SOS2: variants seen among roughly 807,000 people sequenced by gnomAD.
SOS2 encodes SOS Ras/Rho guanine nucleotide exchange factor 2, also known as son of sevenless homolog 2.
In SOS2, 65 loss-of-function variants were observed where a neutral mutation model predicts 148.2. That is an observed-to-expected ratio of 0.44 (90% CI 0.36 to 0.54). The LOEUF (loss-of-function observed/expected upper bound fraction) is 0.54, where lower values mean the gene tolerates loss of function less well. SOS2 is among the 20% of genes least tolerant of loss of function. The pLI, the probability that SOS2 is intolerant of heterozygous loss-of-function variation, is 0.00. For synonymous variants in SOS2, 539 were observed against 537.1 expected (o/e 1.00, Z -0.05); for missense variants, 1,341 against 1,590.2 (o/e 0.84, Z 2.67).
intron 21 of SOS2, among the ~76,000 whole-genome samples, chr14:50,124,854 C>A (rs994554694): frequency 2.0e-5 from 3 of 152,016 alleles, no homozygotes; most frequent in Non-Finnish European, 4.4e-5. Context: ...ATTTTATTTT[C>A]TTTGGGGATT....
At chr14:50,129,173 T>C (rs1185906977) in intron 21 of SOS2, among the ~76,000 whole-genome samples, 1 of 152,180 alleles carries the variant, frequency 6.6e-6, no homozygotes, top group Non-Finnish European at 1.5e-5. Flanking sequence ...GATAGAATAG[T>C]GCTTTACTTA....
intron 14 of SOS2, among the ~76,000 whole-genome samples, chr14:50,149,630 T>TAAATGAGA (rs1426269633): frequency 3.9e-5 from 6 of 152,190 alleles, no homozygotes; most frequent in African/African-American, 1.4e-4. Context: ...GCCTGAGCTG[T>TAAATGAGA]AAATGAGAAA....
At chr14:50,141,952 AAG>A in intron 16 of SOS2, among the ~76,000 whole-genome samples, 1 of 152,112 alleles carries the variant, frequency 6.6e-6, no homozygotes, top group Non-Finnish European at 1.5e-5. Context: ...AGACCAACAA[AAG>A]GCCTACAGAT....
In SOS2 at chr14:50,182,613, AAAGAG is replaced by A; in HGVS notation, c.715-12_715-8del. 5.6e-6 allele frequency: 9 copies of A among 1,594,154 alleles called. No homozygotes were observed. Among genetic ancestry groups the A allele is most frequent in the Non-Finnish European group, 7.7e-6 (9 of 1,165,504 alleles). ...TAAAAATCTTTTCGATATCCTGAAA[AAAGAG>A]AAGGAAGGTTAAGAAATGTGAGATT... is the stretch of plus-strand genomic sequence containing the variant. On this transcript the variant is annotated splice_region_variant and splice_polypyrimidine_tract_variant and intron_variant, in intron 5 of 22. Transcript: ENST00000216373.
intron 13 of SOS2, 130 bp downstream of exon 13, chr14:50,152,940 G>T: frequency 1.9e-6 from 1 of 514,148 alleles, no homozygotes; most frequent in Non-Finnish European, 3.5e-6. Flanking sequence ...ACTCCAGCCT[G>T]GACAACAAAG....
At position 50,164,837 on chromosome 14, in the gene SOS2, T is replaced by C. The variant is rs181437163; in HGVS notation, c.1069-3228A>G. Among the ~76,000 whole-genome samples the C allele has an allele frequency of 1.1e-3, 168 of 152,312 alleles. 1 individual carries two copies. Among genetic ancestry groups the C allele is most frequent in the Non-Finnish European group, 2.1e-3 (142 of 68,036 alleles). On this transcript the variant is annotated intron_variant, in intron 8 of 22. Coordinates refer to ENST00000216373, the MANE Select transcript of SOS2 (RefSeq NM_006939.4). ...TTATGCCTTTTCCCTCTTAAATTTT[T>C]TCTTTTGAAATATCAAATTTATAGA...
At chr14:50,122,390 G>GCTTTTTTTTTTTTTT (rs1883541925) in intron 21 of SOS2, among the ~76,000 whole-genome samples, 2 of 60,556 alleles carry the variant, frequency 3.3e-5, no homozygotes, top group African/African-American at 1.6e-4. Context: ...AGAACCCTGG[G>GCTTTTTTTTTTTTTT]CTTTTTTTTT....
Position 50,188,615 on chromosome 14 carries a change from T to C in SOS2, c.596A>G (p.Tyr199Cys), listed in dbSNP as rs759671658. ...GATTTCAGTTCTGACAAGATCATAGTAGTTTAATTCACCAGAAGAACTAGG... is the reference window on the plus strand; with the variant it reads ...GATTTCAGTTCTGACAAGATCATAGCAGTTTAATTCACCAGAAGAACTAGG... ...DEPSSSGELN[Y>C]YDLVRTEIAE... is the part of the protein sequence containing the mutation. The change falls in exon 5 of 23, where the codon TAC becomes TGC. Residue 199 changes from tyrosine (Y) to cysteine (C), a missense_variant. By Grantham distance (194) the Tyr-to-Cys change is radical (BLOSUM62 -2). Coordinates refer to ENST00000216373, the MANE Select transcript of SOS2 (RefSeq NM_006939.4). 3 of 1,609,818 alleles carry C rather than the reference T, an allele frequency of 1.9e-6. No individual in the cohort carries two copies. The highest frequency in any genetic ancestry group is 2.2e-5 in the East Asian group (1 of 44,826).
intron 7 of SOS2, among the ~76,000 whole-genome samples, chr14:50,175,149 G>A (rs887020766): frequency 1.3e-5 from 2 of 152,186 alleles, no homozygotes; most frequent in Non-Finnish European, 2.9e-5. Flanking sequence ...AGAAGCCTCT[G>A]GAGGAAACTA....
At chr14:50,199,147 T>C (rs1261436046) in intron 4 of SOS2, among the ~76,000 whole-genome samples, 11 of 152,160 alleles carry the variant, frequency 7.2e-5, no homozygotes, top group African/African-American at 2.4e-4. Flanking sequence ...AGTGAGACCT[T>C]GTCTCAAATA....
At chr14:50,159,104 G>A (rs575918128) in intron 10 of SOS2, among the ~76,000 whole-genome samples, 7 of 152,046 alleles carry the variant, frequency 4.6e-5, no homozygotes, top group Non-Finnish European at 8.8e-5. Context: ...GCAGGAGAAT[G>A]GCGTGAACCC....
chr14:50,196,854 A>G (rs554124435), intron 4 of SOS2, among the ~76,000 whole-genome samples: 80 of 152,166 alleles, frequency 5.3e-4, no homozygotes, highest in African/African-American at 1.9e-3. Flanking sequence ...CCTAATAACC[A>G]AATCTGGAAC....
rs533947166 is a variant in SOS2 at position 50,184,164 on chromosome 14, A to G, written c.715-1558T>C. On this transcript the variant is annotated intron_variant, in intron 5 of 22. Transcript: ENST00000216373. ...TAGTCTTATCACTGACTAAAACATC[A>G]TATGTGGCAGATAGCCATATATCTA... 3.9e-5 allele frequency among the ~76,000 whole-genome samples: 6 copies of G among 152,318 alleles called. No homozygotes were observed. The East Asian group carries it at 9.6e-4, about 24-fold the overall frequency.
rs115795899 is a variant in SOS2 at position 50,137,760 on chromosome 14, C to T, written c.2958+852G>A. On this transcript the variant is annotated intron_variant, in intron 18 of 22. Transcript: ENST00000216373. ...GGCATGTAATGTAGAATAATCCCAT[C>T]ATGGAGAGTGGGGTATCCATTCCCT... 7.1e-3 allele frequency among the ~76,000 whole-genome samples: 1,074 copies of T among 152,232 alleles called. 15 individuals carry two copies. The highest frequency in any genetic ancestry group is 0.024 in the African/African-American group (1,014 of 41,530).
chr14:50,122,191 T>C (rs1233020664), intron 21 of SOS2, among the ~76,000 whole-genome samples: 1 of 152,140 alleles, frequency 6.6e-6, no homozygotes, highest in Non-Finnish European at 1.5e-5. Flanking sequence ...TGGGGGCTAA[T>C]GGAAAGGAAG....
intron 7 of SOS2, among the ~76,000 whole-genome samples, chr14:50,178,107 T>C (rs1039599892): frequency 6.6e-6 from 1 of 152,226 alleles, no homozygotes; most frequent in Non-Finnish European, 1.5e-5. Flanking sequence ...GAACATGTAG[T>C]ATCACAGGAG....
chr14:50,177,227 G>A (rs1885552328), intron 7 of SOS2, among the ~76,000 whole-genome samples: 1 of 152,106 alleles, frequency 6.6e-6, no homozygotes, highest in Non-Finnish European at 1.5e-5. Flanking sequence ...GGCTAAGGCA[G>A]GAGAATCGCT....
chr14:50,120,440 T>A, intron 21 of SOS2, 56 bp from the exon 22 acceptor site: 1 of 827,132 alleles, frequency 1.2e-6, no homozygotes, highest in East Asian at 2.6e-5. Context: ...TAAACCTTTA[T>A]CACAATTTGT....
At chr14:50,130,912 T>C (rs771851304) in intron 19 of SOS2, 150 bp from the exon 20 acceptor site, 2 of 595,724 alleles carry the variant, frequency 3.4e-6, no homozygotes, top group Non-Finnish European at 5.7e-6. Flanking sequence ...GCCTGTATCA[T>C]TCTAGTAGAA....
Sources: allele counts gnomAD v4.1 joint callset (sites outside exome capture counted in the v4.1 genomes callset), GRCh38; gene constraint gnomAD v4.1.1; transcripts MANE v1.5; gene names NCBI Gene and HGNC (gene_info 2026-07-23, HGNC 2026-07-21).